The following CPT1A variants were observed in gnomAD, a reference collection of about 807,000 sequenced individuals.
CPT1A encodes carnitine O-palmitoyltransferase 1, liver isoform.
CPT1A carries 64 observed loss-of-function variants against 100.8 expected under a neutral mutation model. That is an observed-to-expected ratio of 0.63 (90% CI 0.52 to 0.78). CPT1A has a LOEUF of 0.78. Ranked by LOEUF, CPT1A falls within the 30% of genes least tolerant of loss-of-function variation. The pLI is 0.00. For missense variants in CPT1A, 802 were observed against 1,034.1 expected (o/e 0.78, Z 3.08); for synonymous variants, 363 against 396.0 (o/e 0.92, Z 0.99).
intron 1 of CPT1A, 96 bp from the exon 2 acceptor site, chr11:68,815,583 C>T (rs1856363529): frequency 8.3e-7 from 1 of 1,202,548 alleles, no homozygotes; most frequent in South Asian, 1.2e-5. Flanking sequence ...AACTTAAGTT[C>T]TTCCTCGCCA....
chr11:68,779,491 TAA>T (rs369619747), intron 12 of CPT1A, among the ~76,000 whole-genome samples: 4 of 86,960 alleles, frequency 4.6e-5, no homozygotes, highest in Non-Finnish European at 6.4e-5. Context: ...AACGAATTAT[TAA>T]AAAAAAAAAA....
At chr11:68,791,583 C>A (rs1466601198) in intron 9 of CPT1A, among the ~76,000 whole-genome samples, 45 of 152,144 alleles carry the variant, frequency 3.0e-4, no homozygotes. Flanking sequence ...GTTGCCCGGG[C>A]TGGAGTGCAG....
chr11:68,837,073 G>A (rs573623090), intron 1 of CPT1A, among the ~76,000 whole-genome samples: 4 of 152,024 alleles, frequency 2.6e-5, no homozygotes, highest in South Asian at 2.1e-4. Context: ...TTTTTGAGAC[G>A]GAGTCTTGCT....
intron 12 of CPT1A, among the ~76,000 whole-genome samples, chr11:68,776,984 C>T (rs1045613321): frequency 6.6e-6 from 1 of 152,198 alleles, no homozygotes; most frequent in Non-Finnish European, 1.5e-5. Flanking sequence ...TGACTGTCGG[C>T]TGGCGAGGCG....
intron 6 of CPT1A, 103 bp downstream of exon 6, chr11:68,799,115 G>T: frequency 9.5e-7 from 1 of 1,050,054 alleles, no homozygotes; most frequent in Non-Finnish European, 1.5e-6. Flanking sequence ...GTGTGATTTT[G>T]GCTAATCCAA....
At position 68,815,490 on chromosome 11, in the gene CPT1A, G is replaced by T; in HGVS notation, c.-13-3C>A. On this transcript the variant is annotated splice_region_variant and splice_polypyrimidine_tract_variant and intron_variant, in intron 1 of 18. Coordinates refer to ENST00000265641, the MANE Select transcript of CPT1A (RefSeq NM_001876.4). ...CTTCTGCCATCTTCAGAGAGTACCTGGAAGGAGAAGGAGAAAATGTAACAC... is the reference window on the plus strand; with the variant it reads ...CTTCTGCCATCTTCAGAGAGTACCTTGAAGGAGAAGGAGAAAATGTAACAC... 6.2e-7 allele frequency: 1 copy of T among 1,613,746 alleles called. No individual in the cohort carries two copies. The highest frequency in any genetic ancestry group is 8.5e-7 in the Non-Finnish European group (1 of 1,179,882).
Position 68,755,430 on chromosome 11 carries a change from G to GA in CPT1A, c.*2213dup. ...TGGTTTGTTTTTGCTTTTTTTTTTA[G>GA]ACGGAGTCTCGCTCTGTCGCCCAGG... is the stretch of plus-strand genomic sequence containing the variant. On this transcript the variant is annotated 3_prime_UTR_variant, in exon 19 of 19. Coordinates refer to ENST00000265641, the MANE Select transcript of CPT1A (RefSeq NM_001876.4). 1 of 154,790 alleles carries GA rather than the reference G, an allele frequency of 6.5e-6. No homozygotes were observed. The highest frequency in any genetic ancestry group is 2.0e-4 in the South Asian group (1 of 4,926). 9.6% of individuals were successfully genotyped at this position (154,790 alleles called of 1,614,324 possible).
chr11:68,780,844 T>G, intron 11 of CPT1A, 99 bp from the exon 12 acceptor site: 1 of 863,928 alleles, frequency 1.2e-6, no homozygotes, highest in Non-Finnish European at 2.0e-6. Context: ...CTAATTCACT[T>G]TGCACCTGTC....
At chr11:68,843,050 T>C (rs1021875396), upstream of CPT1A, among the ~76,000 whole-genome samples, 1 of 152,248 alleles carries the variant, frequency 6.6e-6, no homozygotes, top group Non-Finnish European at 1.5e-5. The surrounding 1 kb of genome is among the most constrained non-coding windows in gnomAD (Gnocchi z 4.0). Flanking sequence ...TTTGCAACCA[T>C]CCTTCTTTCT....
At chr11:68,793,092 T>G (rs1855662645) in intron 9 of CPT1A, among the ~76,000 whole-genome samples, 1 of 151,944 alleles carries the variant, frequency 6.6e-6, no homozygotes, top group South Asian at 2.1e-4. Context: ...TATGAGACAG[T>G]TGGCAGTCTT....
chr11:68,795,271 T>C (rs1855725358), intron 7 of CPT1A, among the ~76,000 whole-genome samples: 1 of 152,258 alleles, frequency 6.6e-6, no homozygotes, highest in Non-Finnish European at 1.5e-5. Context: ...GTTGTTTATA[T>C]AGAGCTGTGC....
chr11:68,787,159 G>C (rs575616657), intron 9 of CPT1A, among the ~76,000 whole-genome samples: 195 of 152,072 alleles, frequency 1.3e-3, no homozygotes, highest in African/African-American at 4.4e-3. Context: ...GGTAGTGGCT[G>C]GGTGCAGTGA....
At chr11:68,834,612 G>A (rs1336175178) in intron 1 of CPT1A, among the ~76,000 whole-genome samples, 1 of 152,104 alleles carries the variant, frequency 6.6e-6, no homozygotes, top group African/African-American at 2.4e-5. Flanking sequence ...ATTAGCCAAG[G>A]TGTGGGTAGT....
At chr11:68,817,049 T>G (rs1233548374) in intron 1 of CPT1A, among the ~76,000 whole-genome samples, 3 of 4,602 alleles carry the variant, frequency 6.5e-4, no homozygotes, top group African/African-American at 8.8e-4. Context: ...TGATGTGTGG[T>G]TGTGTGGGGG....
chr11:68,786,521 T>A (rs904029653), intron 9 of CPT1A, among the ~76,000 whole-genome samples: 1 of 152,170 alleles, frequency 6.6e-6, no homozygotes, highest in Admixed American at 6.5e-5. Flanking sequence ...AATTAATCAA[T>A]ATTATGCCCG....
chr11:68,820,023 T>TGTTA (rs553976693), intron 1 of CPT1A, among the ~76,000 whole-genome samples: 4 of 151,018 alleles, frequency 2.6e-5, no homozygotes, highest in African/African-American at 9.7e-5. Context: ...CACGTTTGTT[T>TGTTA]GTTTGTTTGT....
At chr11:68,786,509 A>G (rs1209381786) in intron 9 of CPT1A, among the ~76,000 whole-genome samples, 1 of 152,250 alleles carries the variant, frequency 6.6e-6, no homozygotes, top group Non-Finnish European at 1.5e-5. Flanking sequence ...GATGAAGAAC[A>G]GAATTAATCA....
At chr11:68,778,276 T>C (rs1855195346) in intron 12 of CPT1A, among the ~76,000 whole-genome samples, 1 of 151,638 alleles carries the variant, frequency 6.6e-6, no homozygotes, top group African/African-American at 2.4e-5. Context: ...GGAAGTGAGG[T>C]CAGCTGAGAC....
chr11:68,797,953 G>A (rs765464457), intron 6 of CPT1A, among the ~76,000 whole-genome samples: 36 of 152,186 alleles, frequency 2.4e-4, no homozygotes, highest in South Asian at 4.1e-4. Context: ...ACTCCAGCCT[G>A]GGTGACGAGC....
Sources: gnomAD v4.1 joint callset for allele counts (sites outside exome capture counted in the v4.1 genomes callset) on GRCh38, gnomAD v4.1.1 for gene constraint, Gnocchi (gnomAD v3.1) non-coding constraint, MANE v1.5 for transcripts, NCBI Gene and HGNC (gene_info 2026-07-23, HGNC 2026-07-21) for gene names.